Variants in XRCC5 observed in about 807,000 individuals in gnomAD.
The protein encoded by XRCC5 is DNA repair protein Ku80.
In XRCC5, 12 loss-of-function variants were observed where a neutral mutation model predicts 95.7. The ratio of observed to expected loss-of-function variants is 0.13; its 90% CI spans 0.08 to 0.20. The LOEUF (loss-of-function observed/expected upper bound fraction) is 0.20. XRCC5 is among the 10% of genes least tolerant of loss of function. The pLI is 1.00. For missense variants in XRCC5, 595 were observed against 873.9 expected, an observed-to-expected ratio of 0.68 and a Z score of 4.02; for synonymous variants, 281 against 290.3, an observed-to-expected ratio of 0.97 and a Z score of 0.33.
chr2:216,170,841 A>G (rs1024576163), intron 16 of XRCC5, among the ~76,000 whole-genome samples: 1 of 152,118 alleles, frequency 6.6e-6, no homozygotes, highest in Non-Finnish European at 1.5e-5. Context: ...TCAAGGATTT[A>G]CTCATGGCAA....
At chr2:216,109,726 C>G (rs989957260) in intron 1 of XRCC5, among the ~76,000 whole-genome samples, 1 of 150,576 alleles carries the variant, frequency 6.6e-6, no homozygotes, top group Non-Finnish European at 1.5e-5. Flanking sequence ...TCTACCTGCT[C>G]TTTGTCTCAC....
At position 216,185,189 on chromosome 2, in the gene XRCC5, C is replaced by T. The variant is rs994889336; in HGVS notation, c.1835-5036C>T. Among the ~76,000 whole-genome samples, 5 of 152,276 alleles carry T rather than the reference C, an allele frequency of 3.3e-5. No individual in the cohort carries two copies. In the South Asian group the frequency reaches 1.0e-3, roughly 32 times the overall value. On this transcript the variant is annotated intron_variant, in intron 16 of 20. Coordinates refer to ENST00000392132, the MANE Select transcript of XRCC5 (RefSeq NM_021141.4). ...GCTGTTACCAATCCCGGGGTTACAG[C>T]ACCATTCTCAGTTGGCTTTAACACA... is the stretch of plus-strand genomic sequence containing the variant.
Position 216,194,969 on chromosome 2 carries a change from G to A in XRCC5, c.2092G>A (p.Ala698Thr), listed in dbSNP as rs1689687404. Residue 698 changes from alanine to threonine, a missense_variant, in exon 19 of 21, where the codon GCT becomes ACT. By Grantham distance (58) the Ala-to-Thr change is moderately conservative. Transcript: ENST00000392132. ...KEEASGSSVTAEEAKKFLAPK... is the reference protein window; with the variant it reads ...KEEASGSSVTTEEAKKFLAPK... ...GGAAGCCTCTGGAAGTTCTGTCACA[G>A]CTGAGGAAGCCAAAAAGGTATTGAG... The A allele has an allele frequency of 1.2e-6, 2 of 1,614,178 alleles. No homozygotes were observed. The highest frequency in any genetic ancestry group is 2.7e-5 in the African/African-American group (2 of 75,062).
chr2:216,150,355 A>G (rs1688719115), intron 14 of XRCC5, among the ~76,000 whole-genome samples: 1 of 152,200 alleles, frequency 6.6e-6, no homozygotes, highest in East Asian at 1.9e-4. Context: ...AAGAGATACT[A>G]TAACAATGAA....
At chr2:216,181,240 T>C (rs759967357) in intron 16 of XRCC5, among the ~76,000 whole-genome samples, 38 of 152,204 alleles carry the variant, frequency 2.5e-4, no homozygotes, top group Non-Finnish European at 5.1e-4. Context: ...ATTCAGGCTT[T>C]CATTATTTTA....
At chr2:216,167,033 C>T (rs987633200) in intron 16 of XRCC5, among the ~76,000 whole-genome samples, 6 of 152,026 alleles carry the variant, frequency 3.9e-5, no homozygotes, top group African/African-American at 1.4e-4. Context: ...GACAGGGTGG[C>T]AGAGCTCCAT....
chr2:216,150,826 T>G (rs1296529505), intron 14 of XRCC5, among the ~76,000 whole-genome samples: 1 of 152,022 alleles, frequency 6.6e-6, no homozygotes, highest in Non-Finnish European at 1.5e-5. Context: ...GAGGCAGAGG[T>G]TGCAGTGAGC....
At chr2:216,125,519 G>T (rs1696887684) in intron 6 of XRCC5, among the ~76,000 whole-genome samples, 1 of 152,120 alleles carries the variant, frequency 6.6e-6, no homozygotes, top group Admixed American at 6.5e-5. Context: ...CTTATCCTCA[G>T]GTCCGTGGTT....
At chr2:216,131,160 G>A (rs1038141357) in intron 9 of XRCC5, 173 bp downstream of exon 9, 2 of 985,148 alleles carry the variant, frequency 2.0e-6, no homozygotes, top group African/African-American at 3.5e-5. Context: ...GGAAACTGAG[G>A]TTCAGAGCCG....
At chr2:216,123,731 A>G (rs1696857476) in intron 6 of XRCC5, among the ~76,000 whole-genome samples, 1 of 152,164 alleles carries the variant, frequency 6.6e-6, no homozygotes, top group Non-Finnish European at 1.5e-5. Context: ...ACTTGAACCT[A>G]GGAGGCGGAG....
At chr2:216,184,655 G>C (rs1320068258) in intron 16 of XRCC5, among the ~76,000 whole-genome samples, 4 of 152,144 alleles carry the variant, frequency 2.6e-5, no homozygotes, top group African/African-American at 4.8e-5. Flanking sequence ...GCTAACTTTT[G>C]TATTTTTAGT....
In XRCC5 at chr2:216,113,137, T is replaced by C. The variant is rs746786664; in HGVS notation, c.135+8T>C. On this transcript the variant is annotated splice_region_variant and intron_variant, in intron 2 of 20. Transcript: ENST00000392132. Reference sequence around the variant, plus strand: ...ATGTTTGTACAGCGACAGGTAAGTTTCAGATTGACACTGAGCTTGTAACCC... The same window carrying C: ...ATGTTTGTACAGCGACAGGTAAGTTCCAGATTGACACTGAGCTTGTAACCC... 6.2e-7 allele frequency: 1 copy of C among 1,609,772 alleles called. No homozygotes were observed. The highest frequency in any genetic ancestry group is 1.1e-5 in the South Asian group (1 of 90,896).
chr2:216,140,672 T>A (rs1052595546), intron 12 of XRCC5, among the ~76,000 whole-genome samples: 1 of 152,106 alleles, frequency 6.6e-6, no homozygotes, highest in Non-Finnish European at 1.5e-5. Context: ...CCTCAGTAGA[T>A]TGTGAAGGAA....
At position 216,116,694 on chromosome 2, in the gene XRCC5, C is replaced by T; in HGVS notation, c.171C>T (p.Val57=). ...AGAACAAGGATGAGATTGCTTTAGT[C>T]CTGTTTGGTACAGATGGCACTGACA... is the stretch of plus-strand genomic sequence containing the variant. ...FAENKDEIAL[V]LFGTDGTDNP... The change falls in exon 3 of 21, where the codon GTC becomes GTT. Residue 57 remains valine (V), a synonymous_variant. Transcript: ENST00000392132. The T allele has an allele frequency of 1.9e-6, 3 of 1,614,130 alleles. No homozygotes were observed. The highest frequency in any genetic ancestry group is 2.5e-6 in the Non-Finnish European group (3 of 1,180,004).
intron 16 of XRCC5, among the ~76,000 whole-genome samples, chr2:216,189,285 A>G (rs972742053): frequency 6.6e-6 from 1 of 152,256 alleles, no homozygotes; most frequent in Non-Finnish European, 1.5e-5. Context: ...AACATTCAGC[A>G]TAAATTGCCA....
intron 13 of XRCC5, among the ~76,000 whole-genome samples, chr2:216,144,443 T>A (rs1688582556): frequency 1.3e-5 from 2 of 152,136 alleles, no homozygotes; most frequent in Admixed American, 6.5e-5. Flanking sequence ...CTTGAAGGCT[T>A]AAGAGTTAAA....
At chr2:216,158,067 T>C (rs548419607) in intron 14 of XRCC5, among the ~76,000 whole-genome samples, 146 of 152,316 alleles carry the variant, frequency 9.6e-4, no homozygotes, top group Admixed American at 2.7e-3. Context: ...ACGGGAAAAT[T>C]GTGTATGTGT....
chr2:216,182,197 ACT>A (rs1417747549), intron 16 of XRCC5, among the ~76,000 whole-genome samples: 1 of 151,976 alleles, frequency 6.6e-6, no homozygotes, highest in Non-Finnish European at 1.5e-5. Context: ...CTCATCATTC[ACT>A]CTGTCTTTTC....
rs5838568 is a variant in XRCC5 at position 216,130,236 on chromosome 2, C to CTT, written c.938-623_938-622dup. On this transcript the variant is annotated intron_variant, in intron 8 of 20. Coordinates refer to ENST00000392132, the MANE Select transcript of XRCC5 (RefSeq NM_021141.4). ...ATATAGGCTACAGAACAGGGCTGGA[C>CTT]TTTTTTTTTTTTTTTTTAAGAAGCC... Among the ~76,000 whole-genome samples, 784 of 125,666 alleles carry CTT rather than the reference C, an allele frequency of 6.2e-3. 1 individual carries two copies. The highest frequency in any genetic ancestry group is 9.2e-3 in the Non-Finnish European group (528 of 57,574). 82.4% of individuals were successfully genotyped at this position (125,666 alleles called of 152,430 possible). A position where few individuals can be genotyped will look rare whatever the true frequency, so the allele number is the denominator to read the frequency against.
Sources: allele counts gnomAD v4.1 joint callset (sites outside exome capture counted in the v4.1 genomes callset), GRCh38; gene constraint gnomAD v4.1.1; transcripts MANE v1.5; gene names NCBI Gene and HGNC (gene_info 2026-07-23, HGNC 2026-07-21).